PPIL1: variants seen among roughly 807,000 people sequenced by gnomAD.
PPIL1 encodes peptidylprolyl isomerase like 1, also known as peptidyl-prolyl cis-trans isomerase-like 1.
A neutral mutation model predicts 19.4 loss-of-function variants in PPIL1; 14 were observed. That is an observed-to-expected ratio of 0.72 (90% CI 0.48 to 1.13). PPIL1 has a LOEUF of 1.13. PPIL1 is among the 50% of genes most tolerant of loss of function. PPIL1 has a pLI of 0.00. For missense variants in PPIL1, 192 were observed against 218.0 expected (o/e 0.88, Z 0.75); for synonymous variants, 72 against 73.6 (o/e 0.98, Z 0.11).
Position 36,866,285 on chromosome 6 carries a change from G to A in PPIL1, c.211+5433C>T, listed in dbSNP as rs531551750. 2.0e-5 allele frequency among the ~76,000 whole-genome samples: 3 copies of A among 152,316 alleles called. No individual in the cohort carries two copies. The East Asian group carries it at 5.8e-4, about 29-fold the overall frequency. ...GGCATCTGGCAAAGATGTATTACAA[G>A]AAAGCATGTGGAAAGAATGGTTCCA... On this transcript the variant is annotated intron_variant, in intron 2 of 3. Coordinates refer to ENST00000373699, the MANE Select transcript of PPIL1 (RefSeq NM_016059.5).
chr6:36,871,976 T>C, intron 1 of PPIL1, 104 bp from the exon 2 acceptor site: 2 of 1,080,332 alleles, frequency 1.9e-6, no homozygotes, highest in Non-Finnish European at 2.5e-6. Context: ...TTGTAAGTCA[T>C]GAAATTGTGA....
intron 2 of PPIL1, among the ~76,000 whole-genome samples, chr6:36,857,831 T>A (rs9470420): frequency 0.011 from 1,732 of 152,258 alleles, 32 homozygotes; most frequent in African/African-American, 0.039. Context: ...TTGGGAATTA[T>A]TTGCTAGCAG....
chr6:36,860,502 A>T (rs140904810), intron 2 of PPIL1, among the ~76,000 whole-genome samples: 1 of 152,242 alleles, frequency 6.6e-6, no homozygotes. Context: ...TCATTTATTC[A>T]ATGTATTTAT....
At chr6:36,857,165 C>T (rs980524149) in intron 2 of PPIL1, among the ~76,000 whole-genome samples, 2 of 152,196 alleles carry the variant, frequency 1.3e-5, no homozygotes, top group African/African-American at 4.8e-5. Context: ...AGAACTCAGG[C>T]AGCCGTTATT....
At chr6:36,868,928 C>G (rs990784858) in intron 2 of PPIL1, among the ~76,000 whole-genome samples, 7 of 152,116 alleles carry the variant, frequency 4.6e-5, no homozygotes, top group Non-Finnish European at 1.0e-4. Flanking sequence ...AAAAAGATCT[C>G]AGAATGCTAT....
At chr6:36,858,147 T>C (rs539544773) in intron 2 of PPIL1, among the ~76,000 whole-genome samples, 1 of 147,426 alleles carries the variant, frequency 6.8e-6, no homozygotes, top group East Asian at 2.0e-4. Context: ...GGCAGGAGAA[T>C]TGCTTGAACC....
At chr6:36,874,407 C>T (rs3778017) in intron 1 of PPIL1, among the ~76,000 whole-genome samples, 75,634 of 151,756 alleles carry the variant, frequency 0.5, 19,413 homozygotes, top group East Asian at 0.66. Context: ...ATCCTCAGAA[C>T]TCATATTCCA....
intron 2 of PPIL1, among the ~76,000 whole-genome samples, chr6:36,862,360 C>T (rs902730391): frequency 1.5e-5 from 2 of 135,026 alleles, no homozygotes; most frequent in African/African-American, 2.7e-5. Context: ...CCAGCCTCCT[C>T]CTCCACAGCC....
Position 36,871,715 on chromosome 6 carries a change from T to G in PPIL1, c.211+3A>C. On this transcript the variant is annotated splice_donor_region_variant and intron_variant, in intron 2 of 3. Transcript: ENST00000373699. ...ACATAAACTAATGTTGGCTTAACTG[T>G]ACCTGTCCCTGTTGGGTCACCTCCT... The G allele has an allele frequency of 6.2e-7, 1 of 1,601,316 alleles. No homozygotes were observed.
chr6:36,872,802 G>A (rs1339288658), intron 1 of PPIL1, among the ~76,000 whole-genome samples: 1 of 152,114 alleles, frequency 6.6e-6, no homozygotes, highest in Non-Finnish European at 1.5e-5. Flanking sequence ...TAGAGATGGG[G>A]TTTCACCATG....
At chr6:36,867,706 G>C (rs1202100569) in intron 2 of PPIL1, among the ~76,000 whole-genome samples, 1 of 152,224 alleles carries the variant, frequency 6.6e-6, no homozygotes, top group African/African-American at 2.4e-5. Context: ...GGGGGCTCTG[G>C]GACAAGACTT....
In PPIL1 at chr6:36,874,795, T is replaced by A. The variant is rs1379292896; in HGVS notation, c.-23A>T. ...CATAGCGAAGCCGGCGGCGGAATGCTTGTCTAGTAATTGCTACTTCCGGCG... is the reference window on the plus strand; with the variant it reads ...CATAGCGAAGCCGGCGGCGGAATGCATGTCTAGTAATTGCTACTTCCGGCG... On this transcript the variant is annotated 5_prime_UTR_variant, in exon 1 of 4. In the 5' UTR this introduces an upstream ATG that the reference lacks. Transcript: ENST00000373699. 2 of 1,613,344 alleles carry A rather than the reference T, an allele frequency of 1.2e-6. No homozygotes were observed. The highest frequency in any genetic ancestry group is 1.7e-6 in the Non-Finnish European group (2 of 1,179,634).
At chr6:36,866,903 A>C (rs1318259868) in intron 2 of PPIL1, among the ~76,000 whole-genome samples, 1 of 152,218 alleles carries the variant, frequency 6.6e-6, no homozygotes, top group African/African-American at 2.4e-5. Context: ...CAATAGACCG[A>C]AGAGACCTAA....
intron 2 of PPIL1, among the ~76,000 whole-genome samples, chr6:36,867,584 C>T (rs539348846): frequency 1.3e-5 from 2 of 152,318 alleles, no homozygotes; most frequent in East Asian, 1.9e-4. Flanking sequence ...CACAGGGGCT[C>T]GGGAGTGGCA....
chr6:36,864,404 G>C (rs963726568), intron 2 of PPIL1, among the ~76,000 whole-genome samples: 2 of 152,070 alleles, frequency 1.3e-5, no homozygotes, highest in Non-Finnish European at 2.9e-5. Flanking sequence ...TTTCCTGCCA[G>C]GCACACTCTG....
At chr6:36,866,413 C>A (rs975517265) in intron 2 of PPIL1, among the ~76,000 whole-genome samples, 1 of 152,092 alleles carries the variant, frequency 6.6e-6, no homozygotes, top group Non-Finnish European at 1.5e-5. Context: ...TAACAAAAAA[C>A]GTGTCACCTA....
At chr6:36,861,477 G>A (rs1434638011) in intron 2 of PPIL1, among the ~76,000 whole-genome samples, 1 of 152,062 alleles carries the variant, frequency 6.6e-6, no homozygotes, top group African/African-American at 2.4e-5. Flanking sequence ...CCCGCTGTGG[G>A]CTCTGAGAAA....
intron 1 of PPIL1, among the ~76,000 whole-genome samples, chr6:36,874,141 G>C (rs575223577): frequency 6.6e-6 from 1 of 152,318 alleles, no homozygotes; most frequent in African/African-American, 2.4e-5. Context: ...TATTGAAAGG[G>C]AGAAAGTTAA....
At chr6:36,860,832 C>T (rs989775621) in intron 2 of PPIL1, among the ~76,000 whole-genome samples, 37 of 150,176 alleles carry the variant, frequency 2.5e-4, no homozygotes, top group Non-Finnish European at 4.9e-4. Context: ...ATCTATGTAC[C>T]CCTAAAAAAA....
Sources: gnomAD v4.1 joint callset for allele counts (sites outside exome capture counted in the v4.1 genomes callset) on GRCh38, gnomAD v4.1.1 for gene constraint, MANE v1.5 for transcripts, NCBI Gene and HGNC (gene_info 2026-07-23, HGNC 2026-07-21) for gene names.